The following PAQR3 variants were observed in gnomAD, a reference collection of about 807,000 sequenced individuals.
PAQR3 encodes the protein Raf kinase trapping to Golgi.
In PAQR3, 39 loss-of-function variants were observed where a neutral mutation model predicts 41.7. The ratio of observed to expected loss-of-function variants is 0.93; its 90% CI spans 0.72 to 1.22. PAQR3 has a LOEUF of 1.22. PAQR3 is among the 50% of genes most tolerant of loss of function. PAQR3 has a pLI of 0.00. For synonymous variants in PAQR3, 140 were observed against 140.6 expected, an observed-to-expected ratio of 1.00 and a Z score of 0.03; for missense variants, 366 against 385.6, an observed-to-expected ratio of 0.95 and a Z score of 0.42.
At position 78,939,021 on chromosome 4, in the gene PAQR3, G is replaced by T. The variant is rs750135879; in HGVS notation, c.185+19C>A. ...GGTGAGAGAAGGGGGCACTCCAGGC[G>T]GAGGCAGCCAGACCGTACCTTTTGA... On this transcript the variant is annotated intron_variant, in intron 1 of 5. Coordinates refer to ENST00000512733, the MANE Select transcript of PAQR3 (RefSeq NM_001040202.2). The T allele has an allele frequency of 6.4e-7, 1 of 1,571,028 alleles. No homozygotes were observed. Among genetic ancestry groups the T allele is most frequent in the Admixed American group, 1.7e-5 (1 of 57,778 alleles).
In PAQR3 at chr4:78,917,489, A is replaced by C. The variant is rs1287636512; in HGVS notation, c.*3050T>G. 1 of 151,944 alleles carries C rather than the reference A, an allele frequency of 6.6e-6. No individual in the cohort carries two copies. Among genetic ancestry groups the C allele is most frequent in the Non-Finnish European group, 1.5e-5 (1 of 67,900 alleles). 9.4% of individuals were successfully genotyped at this position (151,944 alleles called of 1,614,324 possible). ...TTCTGGATCATTATCTCATTACACT[A>C]CTTGGGAATTCTGGTACAAAATTTC... On this transcript the variant is annotated 3_prime_UTR_variant, in exon 6 of 6. Transcript: ENST00000512733.
chr4:78,928,397 C>T (rs1736472392), intron 3 of PAQR3, among the ~76,000 whole-genome samples: 1 of 152,110 alleles, frequency 6.6e-6, no homozygotes, highest in Non-Finnish European at 1.5e-5. Context: ...GCTTATGTTC[C>T]AAAGTGATTA....
chr4:78,901,222 ATT>A (rs1560554275), intron 11 of PAQR3, among the ~76,000 whole-genome samples: 2 of 149,144 alleles, frequency 1.3e-5, no homozygotes, highest in African/African-American at 5.0e-5. Context: ...TTTTTATTTT[ATT>A]TTATTATTTT....
intron 11 of PAQR3, among the ~76,000 whole-genome samples, chr4:78,903,830 T>C (rs1734142971): frequency 6.6e-6 from 1 of 151,946 alleles, no homozygotes; most frequent in Non-Finnish European, 1.5e-5. Context: ...CATGTTTGTA[T>C]TTTGTAGTGT....
At chr4:78,910,868 A>T, downstream of PAQR3, 1 of 1,613,990 alleles carries the variant, frequency 6.2e-7, no homozygotes, top group East Asian at 2.2e-5. Context: ...GATTTTAATG[A>T]TGATGATACT....
intron 2 of PAQR3, among the ~76,000 whole-genome samples, chr4:78,931,318 A>C (rs930241761): frequency 6.6e-6 from 1 of 151,650 alleles, no homozygotes; most frequent in Non-Finnish European, 1.5e-5. Flanking sequence ...TGACTGCCCC[A>C]CTATACCCCA....
intron 11 of PAQR3, among the ~76,000 whole-genome samples, chr4:78,888,799 A>G (rs891920838): frequency 2.0e-5 from 3 of 152,206 alleles, no homozygotes; most frequent in South Asian, 2.1e-4. Context: ...TGAATTGTCT[A>G]TCTTTGAATC....
intron 5 of PAQR3, chr4:78,922,285 G>A (rs1302389516): frequency 1.6e-6 from 2 of 1,266,234 alleles, no homozygotes; most frequent in African/African-American, 3.1e-5. Context: ...GCTCAGTGGT[G>A]AAAAACCAAG....
At position 78,914,943 on chromosome 4, in the gene PAQR3, G is replaced by T. The variant is rs933925474; in HGVS notation, c.*5596C>A. 5 of 151,826 alleles carry T rather than the reference G, an allele frequency of 3.3e-5. No homozygotes were observed. Among genetic ancestry groups the T allele is most frequent in the African/African-American group, 1.2e-4 (5 of 41,370 alleles). 9.4% of individuals were successfully genotyped at this position (151,826 alleles called of 1,614,324 possible). A position where few individuals can be genotyped will look rare whatever the true frequency, so the allele number is the denominator to read the frequency against. On this transcript the variant is annotated 3_prime_UTR_variant, in exon 6 of 6. Transcript: ENST00000512733. ...TAATCCTTTAAAAAGTGGACCATTT[G>T]CTTATTTTAATATCACGTCAGTAAA... is the stretch of plus-strand genomic sequence containing the variant.
At chr4:78,901,925 G>A (rs190393195) in intron 11 of PAQR3, among the ~76,000 whole-genome samples, 2 of 152,114 alleles carry the variant, frequency 1.3e-5, no homozygotes, top group Non-Finnish European at 2.9e-5. Flanking sequence ...GACCCACCTC[G>A]TGGGCTTTAT....
At chr4:78,928,809 A>G (rs1736514889) in intron 3 of PAQR3, among the ~76,000 whole-genome samples, 1 of 152,236 alleles carries the variant, frequency 6.6e-6, no homozygotes, top group Admixed American at 6.5e-5. Flanking sequence ...TGTAATATAT[A>G]ATAATTATAC....
chr4:78,895,919 G>A (rs1487482066), intron 11 of PAQR3, among the ~76,000 whole-genome samples: 1 of 151,746 alleles, frequency 6.6e-6, no homozygotes, highest in African/African-American at 2.4e-5. Context: ...AAGCTACCTC[G>A]CCCAGCTAAT....
chr4:78,936,460 A>G (rs1005336269), intron 1 of PAQR3, among the ~76,000 whole-genome samples: 1 of 152,238 alleles, frequency 6.6e-6, no homozygotes, highest in African/African-American at 2.4e-5. Flanking sequence ...TGTAACAATG[A>G]AAGTGAGAAC....
chr4:78,906,088 C>T (rs1235316577), intron 11 of PAQR3: 1 of 152,094 alleles, frequency 6.6e-6, no homozygotes, highest in Non-Finnish European at 1.5e-5. Flanking sequence ...AAGTAGATCA[C>T]TGCTACTGCA....
chr4:78,905,485 G>A (rs1734238783), intron 11 of PAQR3, among the ~76,000 whole-genome samples: 2 of 151,894 alleles, frequency 1.3e-5, no homozygotes, highest in African/African-American at 4.8e-5. Context: ...ATGTAAATGA[G>A]TTATGATTCT....
chr4:78,926,816 T>C lies in PAQR3; in HGVS notation c.505-98A>G, dbSNP rs920786215. On this transcript the variant is annotated intron_variant, in intron 3 of 5. Coordinates refer to ENST00000512733, the MANE Select transcript of PAQR3 (RefSeq NM_001040202.2). The stretch of plus-strand genomic sequence containing the variant: ...TACACTACAAATTCCAAAGTCTATT[T>C]ACTTGGTATTTGCATTTCAAAATAG... The C allele has an allele frequency of 3.0e-6, 3 of 1,008,754 alleles. No individual in the cohort carries two copies. The Admixed American group carries it at 6.0e-5, about 20-fold the overall frequency. 62.5% of individuals were successfully genotyped at this position (1,008,754 alleles called of 1,614,324 possible).
chr4:78,911,908 G>A lies in PAQR3; in HGVS notation c.*8631C>T. The A allele has an allele frequency of 1.9e-6, 3 of 1,613,962 alleles. No homozygotes were observed. The highest frequency in any genetic ancestry group is 2.5e-6 in the Non-Finnish European group (3 of 1,179,882). On this transcript the variant is annotated 3_prime_UTR_variant, in exon 6 of 6. Transcript: ENST00000512733. ...CCATAGTGCAGATGTATTGAAAATG[G>A]ATGATTTTGGTGCCGTGCCCTTTAC...
Position 78,920,279 on chromosome 4 carries a change from T to C in PAQR3, c.*260A>G. On this transcript the variant is annotated 3_prime_UTR_variant, in exon 6 of 6. Coordinates refer to ENST00000512733, the MANE Select transcript of PAQR3 (RefSeq NM_001040202.2). ...TATTTCAACACTAGTTTCCCATTCATCGTTGTTATTCAGATGTTTCTTATG... is the reference window on the plus strand; with the variant it reads ...TATTTCAACACTAGTTTCCCATTCACCGTTGTTATTCAGATGTTTCTTATG... 1 of 1,120,774 alleles carries C rather than the reference T, an allele frequency of 8.9e-7. No individual in the cohort carries two copies. The highest frequency in any genetic ancestry group is 1.6e-5 in the African/African-American group (1 of 61,800). The allele number at this position is 1,120,774 out of a possible 1,614,324, so 69.4% of individuals were successfully genotyped here.
At chr4:78,907,824 T>C (rs1411530278), downstream of PAQR3, among the ~76,000 whole-genome samples, 1 of 152,118 alleles carries the variant, frequency 6.6e-6, no homozygotes. Flanking sequence ...AACATTGGAA[T>C]GTTACTTGGA....
Sources: allele counts gnomAD v4.1 joint callset (sites outside exome capture counted in the v4.1 genomes callset), GRCh38; gene constraint gnomAD v4.1.1; transcripts MANE v1.5; gene names NCBI Gene and HGNC (gene_info 2026-07-23, HGNC 2026-07-21).